Variants in RHOT1 observed in about 807,000 individuals in gnomAD.
The protein encoded by RHOT1 is ras homolog family member T1, also known as mitochondrial Rho GTPase 1.
A neutral mutation model predicts 95.3 loss-of-function variants in RHOT1; 27 were observed. The observed-to-expected ratio is 0.28, with a 90% CI of 0.21 to 0.39. The LOEUF is 0.39. Among genes scored for constraint, RHOT1 ranks in the 10% least tolerant of loss-of-function variants. The pLI is 1.00. For missense variants in RHOT1, 578 were observed against 786.7 expected (o/e 0.73, Z 3.17); for synonymous variants, 227 against 263.5 (o/e 0.86, Z 1.34).
At chr17:32,194,611 T>C (rs2036729780) in intron 11 of RHOT1, among the ~76,000 whole-genome samples, 1 of 152,162 alleles carries the variant, frequency 6.6e-6, no homozygotes, top group South Asian at 2.1e-4. Flanking sequence ...CCTCTTCTTG[T>C]CGAGACTACA....
intron 19 of RHOT1, among the ~76,000 whole-genome samples, chr17:32,220,098 G>C (rs748111937): frequency 6.6e-5 from 10 of 152,244 alleles, no homozygotes; most frequent in Non-Finnish European, 1.3e-4. Flanking sequence ...GAGATAGCCA[G>C]GTTGGGCATG....
At chr17:32,203,269 CTTTTT>C (rs940216011) in intron 15 of RHOT1, among the ~76,000 whole-genome samples, 3 of 72,328 alleles carry the variant, frequency 4.1e-5, no homozygotes, top group African/African-American at 1.8e-4. Flanking sequence ...TCTTCTTCTT[CTTTTT>C]TTTTTTTTTT....
intron 8 of RHOT1, among the ~76,000 whole-genome samples, chr17:32,190,969 A>G (rs760794346): frequency 1.3e-5 from 2 of 152,038 alleles, no homozygotes; most frequent in Admixed American, 6.6e-5. Context: ...TAACTTTTGT[A>G]TTTTTAGTAG....
At chr17:32,222,320 G>A (rs1169317253) in intron 19 of RHOT1, among the ~76,000 whole-genome samples, 1 of 152,198 alleles carries the variant, frequency 6.6e-6, no homozygotes, top group Non-Finnish European at 1.5e-5. Context: ...TATATTTGTA[G>A]TTTTTGATAA....
At chr17:32,164,165 T>C (rs1244692909) in intron 1 of RHOT1, among the ~76,000 whole-genome samples, 1 of 152,212 alleles carries the variant, frequency 6.6e-6, no homozygotes, top group East Asian at 1.9e-4. Flanking sequence ...AAAAAATATT[T>C]ATCAAAGGAT....
At chr17:32,146,447 T>A (rs1221748951) in intron 1 of RHOT1, among the ~76,000 whole-genome samples, 12 of 151,352 alleles carry the variant, frequency 7.9e-5, no homozygotes, top group African/African-American at 1.7e-4. Context: ...TATTATTATT[T>A]TTATTTTATT....
chr17:32,176,971 G>A (rs2035058902), intron 6 of RHOT1, among the ~76,000 whole-genome samples: 1 of 152,058 alleles, frequency 6.6e-6, no homozygotes, highest in Non-Finnish European at 1.5e-5. Flanking sequence ...GGAAGTTTTT[G>A]TGCCTTGAAA....
At position 32,207,922 on chromosome 17, in the gene RHOT1, G is replaced by C. The variant is rs528655079; in HGVS notation, c.1537-185G>C. ...GTTTTGTCATCAGCATTGGAAAAGT[G>C]ATCTGGATCTTATTTATTATATGAG... On this transcript the variant is annotated intron_variant, in intron 17 of 19. Transcript: ENST00000545287. Among the ~76,000 whole-genome samples, 23 of 152,274 alleles carry C rather than the reference G, an allele frequency of 1.5e-4. No homozygotes were observed. In the East Asian group the frequency reaches 4.4e-3, roughly 29 times the overall value.
At chr17:32,184,370 C>T (rs990291405) in intron 8 of RHOT1, among the ~76,000 whole-genome samples, 3 of 152,046 alleles carry the variant, frequency 2.0e-5, no homozygotes, top group Non-Finnish European at 2.9e-5. Context: ...TTTTACTTAG[C>T]GTAATATTTC....
intron 11 of RHOT1, among the ~76,000 whole-genome samples, chr17:32,194,868 A>G (rs8066331): frequency 0.097 from 13,170 of 135,906 alleles, 2,046 homozygotes; most frequent in African/African-American, 0.34. Flanking sequence ...TCGCTCTGTC[A>G]CCCAGGCTGG....
At chr17:32,224,561 A>AT in intron 19 of RHOT1, 55 bp from the exon 20 acceptor site, 1 of 1,237,054 alleles carries the variant, frequency 8.1e-7, no homozygotes, top group Non-Finnish European at 1.2e-6. Context: ...AATAACTGGT[A>AT]TAGGGTTTTC....
chr17:32,202,222 C>T (rs934996942), intron 14 of RHOT1, among the ~76,000 whole-genome samples: 2 of 152,120 alleles, frequency 1.3e-5, no homozygotes, highest in African/African-American at 4.8e-5. Context: ...AAGAAGGTCT[C>T]TTTACCTCAG....
At position 32,217,561 on chromosome 17, in the gene RHOT1, C is replaced by T. The variant is rs574529211; in HGVS notation, c.1862+6323C>T. 3.9e-3 allele frequency among the ~76,000 whole-genome samples: 591 copies of T among 151,998 alleles called. 4 individuals carry two copies. The highest frequency in any genetic ancestry group is 5.4e-3 in the Non-Finnish European group (366 of 67,972). On this transcript the variant is annotated intron_variant, in intron 19 of 19. Transcript: ENST00000545287. ...CACGAGGTCAAGAGATTGAGACCAT[C>T]CTGGCCAACATGGTGAAACCCCATC...
intron 19 of RHOT1, among the ~76,000 whole-genome samples, chr17:32,216,804 ATGT>A (rs1197465705): frequency 1.3e-5 from 2 of 152,162 alleles, no homozygotes; most frequent in Non-Finnish European, 1.5e-5. Flanking sequence ...AAAAATCTTA[ATGT>A]TGTTAAATGT....
intron 8 of RHOT1, among the ~76,000 whole-genome samples, chr17:32,187,780 G>C: frequency 6.6e-6 from 1 of 152,138 alleles, no homozygotes; most frequent in African/African-American, 2.4e-5. Context: ...TGTTGGCCAG[G>C]CTGGTCTCGA....
At chr17:32,192,330 ATCTTTT>A in intron 9 of RHOT1, 31 bp downstream of exon 9, 2 of 776,106 alleles carry the variant, frequency 2.6e-6, no homozygotes, top group Admixed American at 2.9e-5. Flanking sequence ...ACATTTGCGT[ATCTTTT>A]TTTTTTTTTT....
chr17:32,189,231 G>A (rs2036282505), intron 8 of RHOT1, among the ~76,000 whole-genome samples: 3 of 152,212 alleles, frequency 2.0e-5, no homozygotes, highest in Admixed American at 2.0e-4. Flanking sequence ...CCCAGGAGAC[G>A]GAGCTTGCAG....
intron 8 of RHOT1, among the ~76,000 whole-genome samples, chr17:32,187,525 A>G (rs1032965163): frequency 1.3e-5 from 2 of 152,182 alleles, no homozygotes; most frequent in African/African-American, 4.8e-5. Flanking sequence ...GTGGTTAGCA[A>G]TGACTCATGG....
At chr17:32,180,326 C>T (rs2035523609) in intron 6 of RHOT1, among the ~76,000 whole-genome samples, 1 of 152,146 alleles carries the variant, frequency 6.6e-6, no homozygotes, top group African/African-American at 2.4e-5. Flanking sequence ...AATTCTTCTG[C>T]CTTGGGATGC....
Sources: allele counts gnomAD v4.1 joint callset (sites outside exome capture counted in the v4.1 genomes callset), GRCh38; gene constraint gnomAD v4.1.1; transcripts MANE v1.5; gene names NCBI Gene and HGNC (gene_info 2026-07-23, HGNC 2026-07-21).